TRIB2: variants seen among roughly 807,000 people sequenced by gnomAD.
TRIB2 encodes the protein tribbles pseudokinase 2, also known as tribbles homolog 2.
In TRIB2, 2 loss-of-function variants were observed where a neutral mutation model predicts 26.8. That is an observed-to-expected ratio of 0.07 (90% CI 0.03 to 0.24). TRIB2 has a LOEUF of 0.24. Ranked by LOEUF, TRIB2 falls within the 10% of genes least tolerant of loss-of-function variation. The pLI is 1.00. For synonymous variants in TRIB2, 189 were observed against 187.3 expected, an observed-to-expected ratio of 1.01 and a Z score of -0.08; for missense variants, 306 against 449.0, an observed-to-expected ratio of 0.68 and a Z score of 2.88.
In TRIB2 at chr2:12,718,641, G is replaced by T; in HGVS notation, c.270+64G>T. Reference sequence around the variant, plus strand: ...GCCCGAGGGAGCGGGAGGGCGCCAGGCCCTCGAGTCTGGGAGAGGGAGATT... The same window carrying T: ...GCCCGAGGGAGCGGGAGGGCGCCAGTCCCTCGAGTCTGGGAGAGGGAGATT... On this transcript the variant is annotated intron_variant, in intron 1 of 2. Transcript: ENST00000155926. This position sits in a 1 kb window ranked among gnomAD's most constrained non-coding sequence, Gnocchi z 4.0. 1.3e-6 allele frequency: 2 copies of T among 1,575,226 alleles called. No individual in the cohort carries two copies. The highest frequency in any genetic ancestry group is 1.7e-6 in the Non-Finnish European group (2 of 1,156,316).
At chr2:12,739,484 T>TCCCGGCCTCAGGTGATC (rs67774911) in intron 2 of TRIB2, among the ~76,000 whole-genome samples, 68,942 of 151,488 alleles carry the variant, frequency 0.46, 16,460 homozygotes, top group East Asian at 0.83. Context: ...GGTCTTGAAC[T>TCCCGGCCTCAGGTGATC]CACCCGCCTT....
chr2:12,724,922 A>T (rs2288191), intron 2 of TRIB2: 318,332 of 1,466,438 alleles, frequency 0.22, 39,418 homozygotes, highest in East Asian at 0.58. Context: ...TGGAGATTTA[A>T]TAACTGCACC....
intron 1 of TRIB2, among the ~76,000 whole-genome samples, chr2:12,720,846 G>C (rs941989495): frequency 2.6e-5 from 4 of 152,174 alleles, no homozygotes; most frequent in African/African-American, 9.7e-5. Context: ...GCACTTTAAG[G>C]AGTCTTTAAC....
rs770337879 is a variant in TRIB2 at position 12,740,571 on chromosome 2, A to T, written c.809A>T (p.Gln270Leu). 1 of 1,614,176 alleles carries T rather than the reference A, an allele frequency of 6.2e-7. No homozygotes were observed. Among genetic ancestry groups the T allele is most frequent in the South Asian group, 1.1e-5 (1 of 91,076 alleles). The stretch of plus-strand genomic sequence containing the variant: ...CTCTTCAGCAAGATCCGGCGTGGCC[A>T]GTTCAACATTCCAGAGACTCTGTCG... The part of the protein sequence containing the change: ...SSLFSKIRRG[Q>L]FNIPETLSPK... The change falls in exon 3 of 3, where the codon CAG becomes CTG. Residue 270 changes from glutamine (Q) to leucine (L), a missense_variant. Gln to Leu is a moderately radical substitution (Grantham distance 113). Transcript: ENST00000155926. This position sits in a 1 kb window ranked among gnomAD's most constrained non-coding sequence, Gnocchi z 5.8.
rs1661690988 is a variant in TRIB2, at chr2:12,740,556, A to G, written c.794A>G (p.Lys265Arg). The G allele has an allele frequency of 6.2e-7, 1 of 1,614,186 alleles. No individual in the cohort carries two copies. The highest frequency in any genetic ancestry group is 2.2e-5 in the East Asian group (1 of 44,868). ...ATTGAACCCAGCTCCCTCTTCAGCA[A>G]GATCCGGCGTGGCCAGTTCAACATT... ...HDIEPSSLFS[K>R]IRRGQFNIPE... The change falls in exon 3 of 3, where the codon AAG (lysine) becomes AGG (arginine). Residue 265 changes from lysine (K) to arginine (R), a missense_variant. Physicochemically the swap from Lys to Arg is conservative, Grantham distance 26. Around this residue, in one of 4 missense-constraint regions of TRIB2, gnomAD observed 78 missense variants for 104.9 expected, o/e 0.74. Transcript: ENST00000155926. The surrounding 1 kb of genome is among the most constrained non-coding windows in gnomAD (Gnocchi z 5.8).
intron 2 of TRIB2, among the ~76,000 whole-genome samples, chr2:12,735,835 T>C (rs1661555515): frequency 6.6e-6 from 1 of 152,132 alleles, no homozygotes; most frequent in Non-Finnish European, 1.5e-5. Context: ...CCCACTAAAA[T>C]TTCAGCCTCT....
At chr2:12,737,854 A>AT (rs901356523) in intron 2 of TRIB2, among the ~76,000 whole-genome samples, 11 of 150,788 alleles carry the variant, frequency 7.3e-5, no homozygotes, top group South Asian at 2.1e-4. Flanking sequence ...TTACTACATA[A>AT]TTTTTTTTTT....
intron 2 of TRIB2, among the ~76,000 whole-genome samples, chr2:12,726,982 C>A (rs933829493): frequency 9.2e-5 from 14 of 152,182 alleles, no homozygotes; most frequent in African/African-American, 3.4e-4. Flanking sequence ...TCCGGTCCCC[C>A]ACTGGTGGTT....
At chr2:12,724,699 T>G in intron 2 of TRIB2, 1 of 1,612,938 alleles carries the variant, frequency 6.2e-7, no homozygotes, top group East Asian at 2.2e-5. Context: ...GATCTTGGAT[T>G]GGTCCTTCGT....
chr2:12,726,290 C>T (rs924328010), intron 2 of TRIB2, among the ~76,000 whole-genome samples: 1 of 152,216 alleles, frequency 6.6e-6, no homozygotes, highest in African/African-American at 2.4e-5. Flanking sequence ...GTATTTTAAC[C>T]TCTCGATTCC....
At chr2:12,735,840 G>A (rs1034383436) in intron 2 of TRIB2, among the ~76,000 whole-genome samples, 5 of 152,158 alleles carry the variant, frequency 3.3e-5, no homozygotes, top group Non-Finnish European at 7.3e-5. Flanking sequence ...TAAAATTTCA[G>A]CCTCTGAAGG....
Position 12,717,196 on chromosome 2 carries a change from A to C in TRIB2, c.-1112A>C, listed in dbSNP as rs917380252. 31 of 394,898 alleles carry C rather than the reference A, an allele frequency of 7.9e-5. No individual in the cohort carries two copies. The Admixed American group carries it at 1.3e-3, about 16-fold the overall frequency. The allele number at this position is 394,898 out of a possible 1,614,324, so 24.5% of individuals were successfully genotyped here. The stretch of plus-strand genomic sequence containing the variant: ...GTCAATTTTCTCCAAAACAAACCCC[A>C]CCGGGCAATTTGGTCTCGGGGTAGG... On this transcript the variant is annotated 5_prime_UTR_variant, in exon 1 of 3. Transcript: ENST00000155926. This position sits in a 1 kb window ranked among gnomAD's most constrained non-coding sequence, Gnocchi z 4.8.
chr2:12,720,129 A>T (rs1283724574), intron 1 of TRIB2, among the ~76,000 whole-genome samples: 1 of 152,236 alleles, frequency 6.6e-6, no homozygotes, highest in African/African-American at 2.4e-5. Context: ...GGGACTCTGC[A>T]GCCAAATTCT....
In TRIB2 at chr2:12,718,380, G is replaced by C; in HGVS notation, c.73G>C (p.Glu25Gln). 1 of 1,614,194 alleles carries C rather than the reference G, an allele frequency of 6.2e-7. No individual in the cohort carries two copies. The highest frequency in any genetic ancestry group is 8.5e-7 in the Non-Finnish European group (1 of 1,180,042). Reference sequence around the variant, plus strand: ...ATCGCGGAACAAAACCCAGGATTTCGAAGAGTTGTCGTCTATAAGGTCCGC... The same window carrying C: ...ATCGCGGAACAAAACCCAGGATTTCCAAGAGTTGTCGTCTATAAGGTCCGC... ...GRSRNKTQDFEELSSIRSAEP... is the reference protein window; with the variant it reads ...GRSRNKTQDFQELSSIRSAEP... The change falls in exon 1 of 3, where the codon GAA (glutamate) becomes CAA (glutamine). Residue 25 changes from glutamate to glutamine, a missense_variant. By Grantham distance (29) the Glu-to-Gln change is conservative. Around this residue, in one of 4 missense-constraint regions of TRIB2, gnomAD observed 99 missense variants for 106.5 expected, o/e 0.93. Coordinates refer to ENST00000155926, the MANE Select transcript of TRIB2 (RefSeq NM_021643.4). The surrounding 1 kb of genome is among the most constrained non-coding windows in gnomAD (Gnocchi z 4.0).
intron 2 of TRIB2, among the ~76,000 whole-genome samples, chr2:12,735,873 A>G (rs896452266): frequency 1.3e-5 from 2 of 152,192 alleles, no homozygotes; most frequent in African/African-American, 4.8e-5. Flanking sequence ...AGTGTTGGAT[A>G]CATGAGCTTA....
chr2:12,723,128 T>C (rs974549155), intron 1 of TRIB2, 132 bp from the exon 2 acceptor site: 1 of 989,744 alleles, frequency 1.0e-6, no homozygotes, highest in Non-Finnish European at 1.5e-6. Context: ...GCAGGGCCAA[T>C]GTGGTCTGGG....
rs1396747166 is a variant in TRIB2 at position 12,740,774 on chromosome 2, T to C, written c.1012T>C (p.Leu338=). 2 of 1,613,884 alleles carry C rather than the reference T, an allele frequency of 1.2e-6. No homozygotes were observed. The highest frequency in any genetic ancestry group is 1.7e-4 in the Middle Eastern group (1 of 6,060). Residue 338 remains leucine, a synonymous_variant, in exon 3 of 3, where the codon TTG becomes CTG. Transcript: ENST00000155926. This position sits in a 1 kb window ranked among gnomAD's most constrained non-coding sequence, Gnocchi z 5.8. ...LVPDVNMEEN[L]DPFFN ...GCCGGACGTCAACATGGAAGAGAACTTGGACCCTTTCTTTAACTGAGCTCA... is the reference window on the plus strand; with the variant it reads ...GCCGGACGTCAACATGGAAGAGAACCTGGACCCTTTCTTTAACTGAGCTCA...
Position 12,718,433 on chromosome 2 carries a change from C to CG in TRIB2, c.126_127insG (p.Leu43AlafsTer51). 1.9e-6 allele frequency: 3 copies of CG among 1,614,264 alleles called. No homozygotes were observed. The highest frequency in any genetic ancestry group is 2.5e-6 in the Non-Finnish European group (3 of 1,180,058). On this transcript the variant is annotated frameshift_variant, in exon 1 of 3. Transcript: ENST00000155926. LOFTEE classifies it high-confidence loss of function. The surrounding 1 kb of genome is among the most constrained non-coding windows in gnomAD (Gnocchi z 4.0). Reference sequence around the variant, plus strand: ...AGCCCAGCCAGAGTTTCAGCCCGAACCTCGGCTCCCCGAGCCCGCCCGAGA... The same window carrying CG: ...AGCCCAGCCAGAGTTTCAGCCCGAACGCTCGGCTCCCCGAGCCCGCCCGAGA...
At chr2:12,723,702 A>G in intron 2 of TRIB2, 150 bp downstream of exon 2, 2 of 928,368 alleles carry the variant, frequency 2.2e-6, no homozygotes, top group South Asian at 1.8e-5. Flanking sequence ...TGAATATTGC[A>G]ATTTTCAAGT....
Sources: gnomAD v4.1 joint callset for allele counts (sites outside exome capture counted in the v4.1 genomes callset) on GRCh38, gnomAD v4.1.1 for gene constraint, gnomAD v4.1.1 regional missense constraint, Gnocchi (gnomAD v3.1) non-coding constraint, MANE v1.5 for transcripts, NCBI Gene and HGNC (gene_info 2026-07-23, HGNC 2026-07-21) for gene names.